GK5: variants seen among roughly 807,000 people sequenced by gnomAD.
GK5 encodes ATP:glycerol 3-phosphotransferase 5.
A neutral mutation model predicts 77.3 loss-of-function variants in GK5; 39 were observed. The observed-to-expected ratio is 0.50, with a 90% CI of 0.39 to 0.66. The LOEUF (loss-of-function observed/expected upper bound fraction) is 0.66, where lower values mean the gene tolerates loss of function less well. GK5 is among the 30% of genes least tolerant of loss of function. The pLI, the probability that GK5 is intolerant of heterozygous loss-of-function variation, is 0.00. For missense variants in GK5, 487 were observed against 633.8 expected, an observed-to-expected ratio of 0.77 and a Z score of 2.49; for synonymous variants, 211 against 208.0, an observed-to-expected ratio of 1.01 and a Z score of -0.13.
intron 4 of GK5, among the ~76,000 whole-genome samples, chr3:142,199,199 A>G (rs139220168): frequency 0.011 from 1,750 of 152,288 alleles, 21 homozygotes; most frequent in Non-Finnish European, 0.018. Flanking sequence ...TTTTAAAAAA[A>G]AACAACTATA....
rs181190676 is a variant in GK5 at position 142,181,618 on chromosome 3, G to A, written c.944-53C>T. 19 of 1,214,664 alleles carry A rather than the reference G, an allele frequency of 1.6e-5. No homozygotes were observed. In the African/African-American group the frequency reaches 2.6e-4, roughly 16 times the overall value. The allele number at this position is 1,214,664 out of a possible 1,614,324, so 75.2% of individuals were successfully genotyped here. On this transcript the variant is annotated intron_variant, in intron 10 of 15. Coordinates refer to ENST00000392993, the MANE Select transcript of GK5 (RefSeq NM_001039547.3). The stretch of plus-strand genomic sequence containing the variant: ...TCAAATATATGCATAATTCATTATA[G>A]AGACTTCTACAATGTAATGATTTGG...
At chr3:142,214,695 G>T (rs1032512265) in intron 2 of GK5, among the ~76,000 whole-genome samples, 1 of 152,140 alleles carries the variant, frequency 6.6e-6, no homozygotes, top group African/African-American at 2.4e-5. Flanking sequence ...CTCCTCTTTG[G>T]CTGGGTTCTA....
rs2063401872 is a variant in GK5, at chr3:142,158,798, A to G, written c.*6824T>C. 1 of 152,434 alleles carries G rather than the reference A, an allele frequency of 6.6e-6. No homozygotes were observed. Among genetic ancestry groups the G allele is most frequent in the East Asian group, 1.9e-4 (1 of 5,192 alleles). The allele number at this position is 152,434 out of a possible 1,614,324, so 9.4% of individuals were successfully genotyped here. ...AAATAAAAAGGTTAGAAACATTATG[A>G]TAACTATGTACAAAGTATATATCTG... is the stretch of plus-strand genomic sequence containing the variant. On this transcript the variant is annotated 3_prime_UTR_variant, in exon 16 of 16. Coordinates refer to ENST00000392993, the MANE Select transcript of GK5 (RefSeq NM_001039547.3).
chr3:142,186,012 AG>A, intron 8 of GK5, 23 bp from the exon 9 acceptor site: 1 of 1,543,320 alleles, frequency 6.5e-7, no homozygotes, highest in Non-Finnish European at 8.9e-7. Context: ...TTCATTAAAA[AG>A]TTAGTTACAG....
At chr3:142,213,011 T>C (rs955992397) in intron 3 of GK5, among the ~76,000 whole-genome samples, 6 of 151,682 alleles carry the variant, frequency 4.0e-5, no homozygotes, top group Admixed American at 1.3e-4. Flanking sequence ...ATTTTTTGTA[T>C]TTTTAGTAGA....
At chr3:142,205,834 A>G (rs9873587) in intron 3 of GK5, among the ~76,000 whole-genome samples, 112,535 of 152,112 alleles carry the variant, frequency 0.74, 42,929 homozygotes, top group African/African-American at 0.93. Flanking sequence ...AACGTTGTGC[A>G]ACCATCACCA....
chr3:142,169,673 T>TC (rs2063512688), intron 15 of GK5, among the ~76,000 whole-genome samples: 1 of 148,200 alleles, frequency 6.7e-6, no homozygotes, highest in East Asian at 2.0e-4. Context: ...ACTGTTCTTT[T>TC]TTTTTTTTTT....
chr3:142,195,352 C>A (rs1293742237), intron 5 of GK5, among the ~76,000 whole-genome samples: 1 of 151,856 alleles, frequency 6.6e-6, no homozygotes, highest in Admixed American at 6.6e-5. Context: ...TGTGTGGTTT[C>A]TTTCCAGAGA....
At position 142,193,261 on chromosome 3, in the gene GK5, A is replaced by G. The variant is rs187886400; in HGVS notation, c.544-5482T>C. Reference sequence around the variant, plus strand: ...AACTACTCTAAAATTAAAGTGTATTAATTTTTTAGAAAACAAAGGACTGAG... The same window carrying G: ...AACTACTCTAAAATTAAAGTGTATTGATTTTTTAGAAAACAAAGGACTGAG... On this transcript the variant is annotated intron_variant, in intron 5 of 15. Coordinates refer to ENST00000392993, the MANE Select transcript of GK5 (RefSeq NM_001039547.3). Among the ~76,000 whole-genome samples the G allele has an allele frequency of 4.9e-4, 74 of 152,314 alleles. No individual in the cohort carries two copies. In the Middle Eastern group the frequency reaches 0.01, roughly 21 times the overall value.
chr3:142,182,647 C>A (rs986574637), intron 10 of GK5, among the ~76,000 whole-genome samples: 15 of 152,064 alleles, frequency 9.9e-5, no homozygotes, highest in African/African-American at 3.6e-4. Context: ...CCATGCCCGG[C>A]CCCTAGTAAG....
At chr3:142,196,966 T>C (rs1361079561) in intron 5 of GK5, among the ~76,000 whole-genome samples, 1 of 152,116 alleles carries the variant, frequency 6.6e-6, no homozygotes, top group African/African-American at 2.4e-5. Context: ...GGCAGGTGGA[T>C]CACGAGGTCA....
intron 12 of GK5, among the ~76,000 whole-genome samples, chr3:142,173,939 A>G (rs548312531): frequency 4.6e-4 from 70 of 152,200 alleles, no homozygotes; most frequent in African/African-American, 1.6e-3. Flanking sequence ...CTCCTAATTA[A>G]TTCTTACTCC....
chr3:142,202,670 T>A (rs1352811107), intron 4 of GK5, among the ~76,000 whole-genome samples: 1 of 152,170 alleles, frequency 6.6e-6, no homozygotes, highest in Non-Finnish European at 1.5e-5. Context: ...GATTGGAAAT[T>A]TGAGGCTTAG....
chr3:142,223,349 A>C (rs1480926821), intron 1 of GK5, among the ~76,000 whole-genome samples: 1 of 152,260 alleles, frequency 6.6e-6, no homozygotes, highest in Non-Finnish European at 1.5e-5. Context: ...AGACTTTAAA[A>C]AGTATCGTTT....
At chr3:142,204,465 A>G in intron 4 of GK5, 1 of 570,590 alleles carries the variant, frequency 1.8e-6, no homozygotes, top group Admixed American at 2.8e-5. Flanking sequence ...TCTCACTAAC[A>G]TGTGAAACTC....
intron 1 of GK5, among the ~76,000 whole-genome samples, chr3:142,218,393 A>AT (rs2064302052): frequency 6.6e-6 from 1 of 150,666 alleles, no homozygotes; most frequent in Non-Finnish European, 1.5e-5. Context: ...AAAAAAAAAA[A>AT]ATAGCTGGGT....
chr3:142,166,271 A>T (rs2063471898), intron 15 of GK5, among the ~76,000 whole-genome samples: 1 of 152,154 alleles, frequency 6.6e-6, no homozygotes, highest in Admixed American at 6.6e-5. Context: ...CAGAAGAAAA[A>T]AAAAGAGAAA....
intron 14 of GK5, 88 bp from the exon 15 acceptor site, chr3:142,170,546 G>T: frequency 9.1e-7 from 1 of 1,098,208 alleles, no homozygotes; most frequent in South Asian, 1.7e-5. Flanking sequence ...TGAAATCCTT[G>T]ATTTTATTTT....
chr3:142,213,352 C>G lies in GK5; in HGVS notation c.317+174G>C, dbSNP rs74378084. ...GTGGTATTATATAATATAAGTCAAG[C>G]CCAAATGACATGCAGTGAGCATACA... On this transcript the variant is annotated intron_variant, in intron 3 of 15. Coordinates refer to ENST00000392993, the MANE Select transcript of GK5 (RefSeq NM_001039547.3). Among the ~76,000 whole-genome samples, 450 of 152,152 alleles carry G rather than the reference C, an allele frequency of 3.0e-3. 5 individuals carry two copies. The highest frequency in any genetic ancestry group is 5.5e-3 in the Non-Finnish European group (376 of 68,006).
Sources: allele counts gnomAD v4.1 joint callset (sites outside exome capture counted in the v4.1 genomes callset), GRCh38; gene constraint gnomAD v4.1.1; transcripts MANE v1.5; gene names NCBI Gene and HGNC (gene_info 2026-07-23, HGNC 2026-07-21).